Variants in NRBF2 observed in about 807,000 individuals in gnomAD.
NRBF2 encodes nuclear receptor-binding factor 2.
A neutral mutation model predicts 28.5 loss-of-function variants in NRBF2; 12 were observed. The observed-to-expected ratio is 0.42, with a 90% confidence interval of 0.27 to 0.68. The LOEUF (loss-of-function observed/expected upper bound fraction) is 0.68, where lower values mean the gene tolerates loss of function less well. Among genes scored for constraint, NRBF2 ranks in the 30% least tolerant of loss-of-function variants. NRBF2 has a pLI of 0.24. For missense variants in NRBF2, 274 were observed against 333.5 expected, an observed-to-expected ratio of 0.82 and a Z score of 1.39; for synonymous variants, 102 against 116.5, an observed-to-expected ratio of 0.88 and a Z score of 0.80.
intron 1 of NRBF2, among the ~76,000 whole-genome samples, chr10:63,136,579 CAGTTTTACAGATAAATA>C (rs1205262231): frequency 6.6e-6 from 1 of 152,166 alleles, no homozygotes; most frequent in East Asian, 1.9e-4. Flanking sequence ...GTGTGTTTTC[CAGTTTTACAGATAAATA>C]AGCCTAAGCT....
At chr10:63,143,526 C>T (rs950717975) in intron 1 of NRBF2, among the ~76,000 whole-genome samples, 4 of 151,672 alleles carry the variant, frequency 2.6e-5, no homozygotes, top group Non-Finnish European at 4.4e-5. Context: ...GGTGCGATCT[C>T]GGCTCACTGC....
At chr10:63,136,618 G>A (rs1467473229) in intron 1 of NRBF2, among the ~76,000 whole-genome samples, 1 of 152,174 alleles carries the variant, frequency 6.6e-6, no homozygotes, top group Non-Finnish European at 1.5e-5. Context: ...AGAGAATTAG[G>A]TAATTACTTA....
intron 1 of NRBF2, among the ~76,000 whole-genome samples, chr10:63,141,972 G>T (rs1320034457): frequency 1.3e-5 from 2 of 152,170 alleles, no homozygotes; most frequent in South Asian, 4.1e-4. Context: ...TCTACATGGG[G>T]ATGTTTTAAG....
chr10:63,135,731 C>G (rs956956169), intron 1 of NRBF2, among the ~76,000 whole-genome samples: 1 of 151,496 alleles, frequency 6.6e-6, no homozygotes, highest in African/African-American at 2.4e-5. Flanking sequence ...ACTGCAACCT[C>G]CGACTCCCTG....
Position 63,133,510 on chromosome 10 carries a change from C to T in NRBF2, c.30+10C>T, listed in dbSNP as rs753383989. On this transcript the variant is annotated intron_variant, in intron 1 of 3. Transcript: ENST00000277746. ...AGGACCCCTCAACCTGGTGAGTGTC[C>T]CACAGAATATAGCGTTCGTCTTGGG... The T allele has an allele frequency of 6.2e-7, 1 of 1,600,426 alleles. No individual in the cohort carries two copies. The highest frequency in any genetic ancestry group is 8.6e-7 in the Non-Finnish European group (1 of 1,168,786).
Position 63,146,246 on chromosome 10 carries a change from C to G in NRBF2, c.68C>G (p.Ala23Gly). The change falls in exon 2 of 4, where the codon GCT (alanine) becomes GGT (glycine). Residue 23 changes from alanine (A) to glycine (G), a missense_variant. By Grantham distance (60) the Ala-to-Gly change is moderately conservative (BLOSUM62 0). Transcript: ENST00000277746. ...QQSRRADRLL[A>G]AGKYEEAISC... ...AGCAGACGAGCAGACCGTTTATTAG[C>G]TGCAGGCAAATACGAAGAGGCTATT... 6.2e-7 allele frequency: 1 copy of G among 1,612,542 alleles called. No individual in the cohort carries two copies. Among genetic ancestry groups the G allele is most frequent in the Non-Finnish European group, 8.5e-7 (1 of 1,179,792 alleles).
intron 1 of NRBF2, among the ~76,000 whole-genome samples, chr10:63,133,828 G>C (rs974736633): frequency 6.6e-6 from 1 of 152,238 alleles, no homozygotes; most frequent in Non-Finnish European, 1.5e-5. Flanking sequence ...CCTCCCTACA[G>C]CCTGGAGAGG....
At chr10:63,138,167 G>A (rs1273570017) in intron 1 of NRBF2, among the ~76,000 whole-genome samples, 1 of 151,980 alleles carries the variant, frequency 6.6e-6, no homozygotes, top group Non-Finnish European at 1.5e-5. Flanking sequence ...ACAAAAATTA[G>A]CCAGGTGTGG....
At chr10:63,151,942 C>T (rs954886831) in intron 2 of NRBF2, among the ~76,000 whole-genome samples, 20 of 152,240 alleles carry the variant, frequency 1.3e-4, no homozygotes, top group African/African-American at 4.6e-4. Flanking sequence ...AATAACAAAA[C>T]CTTCAAGATA....
At chr10:63,140,166 G>A (rs1425592799) in intron 1 of NRBF2, among the ~76,000 whole-genome samples, 4 of 152,000 alleles carry the variant, frequency 2.6e-5, no homozygotes, top group Non-Finnish European at 5.9e-5. Context: ...AAATCATAAG[G>A]AAGAGAAAAT....
At chr10:63,147,113 C>T (rs1841572869) in intron 2 of NRBF2, among the ~76,000 whole-genome samples, 1 of 152,144 alleles carries the variant, frequency 6.6e-6, no homozygotes, top group African/African-American at 2.4e-5. Context: ...TTTCTTAGGG[C>T]AAACCCTGAA....
At chr10:63,134,936 C>T (rs569555084) in intron 1 of NRBF2, among the ~76,000 whole-genome samples, 1 of 152,252 alleles carries the variant, frequency 6.6e-6, no homozygotes, top group South Asian at 2.1e-4. Context: ...GCCTGTAATC[C>T]CAGCACTTTG....
chr10:63,152,084 C>T lies in NRBF2; in HGVS notation c.116-66C>T, dbSNP rs888713851. The T allele has an allele frequency of 3.4e-6, 4 of 1,186,202 alleles. No homozygotes were observed. The African/African-American group carries it at 4.6e-5, about 14-fold the overall frequency. The allele number at this position is 1,186,202 out of a possible 1,614,324, so 73.5% of individuals were successfully genotyped here. A position where few individuals can be genotyped will look rare whatever the true frequency, so the allele number is the denominator to read the frequency against. Reference sequence around the variant, plus strand: ...TTGTCATATGAAGATTATTAAAACTCTTCCTTTTACCTGTTAATTACAAAA... The same window carrying T: ...TTGTCATATGAAGATTATTAAAACTTTTCCTTTTACCTGTTAATTACAAAA... On this transcript the variant is annotated intron_variant, in intron 2 of 3. Transcript: ENST00000277746.
intron 1 of NRBF2, among the ~76,000 whole-genome samples, chr10:63,134,933 A>G (rs1447773596): frequency 3.9e-5 from 6 of 152,142 alleles, no homozygotes; most frequent in East Asian, 1.9e-4. Context: ...CACGCCTGTA[A>G]TCCCAGCACT....
chr10:63,141,493 T>G (rs756623044), intron 1 of NRBF2, among the ~76,000 whole-genome samples: 6 of 152,212 alleles, frequency 3.9e-5, no homozygotes, highest in Non-Finnish European at 5.9e-5. Context: ...CCCAACTATA[T>G]TGTCAACTTC....
intron 2 of NRBF2, chr10:63,150,407 C>T: frequency 3.8e-6 from 3 of 791,212 alleles, no homozygotes; most frequent in Non-Finnish European, 4.6e-6. Flanking sequence ...TTTTTCTTTC[C>T]TTTTTTTTTT....
Position 63,146,240 on chromosome 10 carries a change from T to G in NRBF2, c.62T>G (p.Leu21Ter), listed in dbSNP as rs1399868013. Residue 21 changes from leucine (L) to a stop codon, truncating the protein, a stop_gained, in exon 2 of 4, where the codon TTA (leucine) becomes TGA (stop). Transcript: ENST00000277746. LOFTEE classifies it high-confidence loss of function. ...AHQQSRRADR[L>*]LAAGKYEEAI... is the part of the protein sequence containing the mutation. ...CAACAGAGCAGACGAGCAGACCGTT[T>G]ATTAGCTGCAGGCAAATACGAAGAG... 2 of 1,612,560 alleles carry G rather than the reference T, an allele frequency of 1.2e-6. No homozygotes were observed. Among genetic ancestry groups the G allele is most frequent in the African/African-American group, 2.7e-5 (2 of 75,016 alleles).
intron 2 of NRBF2, among the ~76,000 whole-genome samples, chr10:63,147,431 C>G (rs994420189): frequency 2.0e-5 from 3 of 151,908 alleles, no homozygotes; most frequent in Admixed American, 6.6e-5. Flanking sequence ...AGTGGTTCTC[C>G]TGCCTCAGCC....
In NRBF2 at chr10:63,154,386, A is replaced by C. The variant is rs1038734806; in HGVS notation, c.*168A>C. ...CAGGACTTGGGAAACAGTCACTGTGAAATGCGCTGCGTATCTCATTCACTC... is the reference window on the plus strand; with the variant it reads ...CAGGACTTGGGAAACAGTCACTGTGCAATGCGCTGCGTATCTCATTCACTC... On this transcript the variant is annotated 3_prime_UTR_variant, in exon 4 of 4. Transcript: ENST00000277746. 1.7e-6 allele frequency: 1 copy of C among 572,948 alleles called. No individual in the cohort carries two copies. The highest frequency in any genetic ancestry group is 3.3e-5 in the Admixed American group (1 of 29,962). 35.5% of individuals were successfully genotyped at this position (572,948 alleles called of 1,614,324 possible).
Sources: allele counts gnomAD v4.1 joint callset (sites outside exome capture counted in the v4.1 genomes callset), GRCh38; gene constraint gnomAD v4.1.1; transcripts MANE v1.5; gene names NCBI Gene and HGNC (gene_info 2026-07-23, HGNC 2026-07-21).